TDRD10: variants seen among roughly 807,000 people sequenced by gnomAD.
TDRD10 encodes tudor domain-containing protein 10.
Under a neutral mutation model 48.0 loss-of-function variants are expected in TDRD10, and 40 were observed. The ratio of observed to expected loss-of-function variants is 0.83; its 90% CI spans 0.65 to 1.09. TDRD10 has a LOEUF of 1.09. Ranked by LOEUF, TDRD10 falls within the 50% of genes least tolerant of loss-of-function variation. The pLI, the probability that TDRD10 is intolerant of heterozygous loss-of-function variation, is 0.00. For synonymous variants in TDRD10, 162 were observed against 170.4 expected, an observed-to-expected ratio of 0.95 and a Z score of 0.38; for missense variants, 378 against 434.7, an observed-to-expected ratio of 0.87 and a Z score of 1.16.
At chr1:154,541,952 A>G in intron 6 of TDRD10, 72 bp from the exon 7 acceptor site, 1 of 1,487,986 alleles carries the variant, frequency 6.7e-7, no homozygotes. Flanking sequence ...GTCTACCTGG[A>G]GTGATTCAAC....
rs115490290 is a variant in TDRD10, at chr1:154,531,560, G to C, written c.369+10081G>C. On this transcript the variant is annotated intron_variant, in intron 6 of 12. Transcript: ENST00000368482. ...GTTGTTCATTCCTCCCAGTGGGTTC[G>C]CGGTCTCGCTGGCTTCAGGAGTGAA... Among the ~76,000 whole-genome samples, 489 of 152,258 alleles carry C rather than the reference G, an allele frequency of 3.2e-3. 2 individuals are homozygous for C. Among genetic ancestry groups the C allele is most frequent in the African/African-American group, 0.011 (464 of 41,570 alleles).
intron 4 of TDRD10, among the ~76,000 whole-genome samples, chr1:154,514,950 C>T (rs891623439): frequency 3.9e-5 from 6 of 151,982 alleles, no homozygotes; most frequent in African/African-American, 1.5e-4. Context: ...ACACTGCAGC[C>T]TCCGCCTCTT....
intron 6 of TDRD10, among the ~76,000 whole-genome samples, chr1:154,541,615 C>G (rs933334602): frequency 6.6e-6 from 1 of 152,044 alleles, no homozygotes; most frequent in Non-Finnish European, 1.5e-5. Context: ...GGCACCCAGG[C>G]TTTTCTGTCC....
At chr1:154,534,728 T>C (rs1694830733) in intron 6 of TDRD10, 1 of 152,250 alleles carries the variant, frequency 6.6e-6, no homozygotes, top group Admixed American at 6.5e-5. Flanking sequence ...TTATTGCTTT[T>C]TGGGGAGAGG....
At chr1:154,525,714 C>T (rs1487975977) in intron 6 of TDRD10, among the ~76,000 whole-genome samples, 15 of 151,900 alleles carry the variant, frequency 9.9e-5, no homozygotes, top group Admixed American at 3.3e-4. Flanking sequence ...GCCAACATGG[C>T]GAAACCCCAT....
chr1:154,513,610 A>T (rs1040004926), intron 4 of TDRD10, among the ~76,000 whole-genome samples: 1 of 152,230 alleles, frequency 6.6e-6, no homozygotes, highest in Non-Finnish European at 1.5e-5. Flanking sequence ...ACTAAAAATG[A>T]GATAACCAGA....
At chr1:154,533,462 C>A (rs1436124759) in intron 6 of TDRD10, among the ~76,000 whole-genome samples, 1 of 151,524 alleles carries the variant, frequency 6.6e-6, no homozygotes, top group East Asian at 1.9e-4. Flanking sequence ...AAGTCATCAC[C>A]ACGTTGTACC....
At chr1:154,514,851 C>CTTATTTATTTAT (rs376684475) in intron 4 of TDRD10, among the ~76,000 whole-genome samples, 19 of 142,884 alleles carry the variant, frequency 1.3e-4, no homozygotes, top group Non-Finnish European at 1.7e-4. Context: ...CCATACCCAG[C>CTTATTTATTTAT]TTATTTATTT....
At chr1:154,505,783 TACTC>T (rs1693115127) in intron 1 of TDRD10, among the ~76,000 whole-genome samples, 1 of 105,528 alleles carries the variant, frequency 9.5e-6, no homozygotes, top group Non-Finnish European at 2.4e-5. Context: ...GGGAAGATAA[TACTC>T]ACGGAATTGT....
chr1:154,509,734 G>A (rs1450186537), intron 4 of TDRD10: 42 of 805,484 alleles, frequency 5.2e-5, no homozygotes, highest in Non-Finnish European at 6.2e-5. Context: ...GGCAGGTTGG[G>A]GGATTCCTGG....
chr1:154,544,398 GT>G lies in TDRD10; in HGVS notation c.681del (p.Phe227LeufsTer72), dbSNP rs772440231. 4 of 1,594,508 alleles carry G rather than the reference GT, an allele frequency of 2.5e-6. No homozygotes were observed. The African/African-American group carries it at 5.3e-5, about 21-fold the overall frequency. ...EALHQNMQAL[F>X]STLAQAEEQQ... ...CTCTGCACCAGAACATGCAGGCTCT[GT>G]TTAGCACCCTGGCTCAGGCGGAGGA... On this transcript the variant is annotated frameshift_variant, in exon 10 of 13. Coordinates refer to ENST00000368482, the MANE Select transcript of TDRD10 (RefSeq NM_182499.4). LOFTEE classifies it high-confidence loss of function.
At chr1:154,514,884 T>TTC (rs1557816918) in intron 4 of TDRD10, among the ~76,000 whole-genome samples, 1 of 151,858 alleles carries the variant, frequency 6.6e-6, no homozygotes, top group Non-Finnish European at 1.5e-5. Flanking sequence ...ATTTTTTTTT[T>TTC]TGAGACGGAG....
At position 154,509,781 on chromosome 1, in the gene TDRD10, C is replaced by T. The variant is rs370722913; in HGVS notation, c.141+1300C>T. The T allele has an allele frequency of 1.2e-5, 12 of 985,238 alleles. 1 individual carries two copies. The East Asian group carries it at 6.8e-4, about 56-fold the overall frequency. 61.0% of individuals were successfully genotyped at this position (985,238 alleles called of 1,614,324 possible). On this transcript the variant is annotated intron_variant, in intron 4 of 12. Coordinates refer to ENST00000368482, the MANE Select transcript of TDRD10 (RefSeq NM_182499.4). ...CGAGCCTACTAGGGCTGGTTTTCCT[C>T]CCCCATTTTGGCAGGCTGGTCCAAC...
intron 6 of TDRD10, among the ~76,000 whole-genome samples, chr1:154,535,133 G>A (rs1337029517): frequency 6.6e-6 from 1 of 152,150 alleles, no homozygotes; most frequent in African/African-American, 2.4e-5. Context: ...TTGGGAGGCC[G>A]AGGTGGGCGG....
chr1:154,532,074 G>A (rs1258921497), intron 6 of TDRD10, among the ~76,000 whole-genome samples: 3 of 152,218 alleles, frequency 2.0e-5, no homozygotes, highest in African/African-American at 4.8e-5. Flanking sequence ...CCTGCCAGGC[G>A]GGTGCTGTGC....
At chr1:154,505,825 A>G (rs1158245166) in intron 1 of TDRD10, among the ~76,000 whole-genome samples, 1 of 152,248 alleles carries the variant, frequency 6.6e-6, no homozygotes, top group Non-Finnish European at 1.5e-5. Flanking sequence ...ATCCATAAAA[A>G]TAAACACAAT....
rs200427247 is a variant in TDRD10 at position 154,521,422 on chromosome 1, A to T, written c.312A>T (p.Thr104=). 6.2e-7 allele frequency: 1 copy of T among 1,614,154 alleles called. No homozygotes were observed. Among genetic ancestry groups the T allele is most frequent in the Non-Finnish European group, 8.5e-7 (1 of 1,180,044 alleles). Residue 104 remains threonine, a synonymous_variant, in exon 6 of 13, where the codon ACA becomes ACT. Coordinates refer to ENST00000368482, the MANE Select transcript of TDRD10 (RefSeq NM_182499.4). The part of the protein sequence containing the change: ...LFHKRKLFVN[T]SKRPPKRTPD... ...ACAAGCGAAAACTGTTCGTGAATACAAGCAAAAGGCCCCCCAAGAGGACCC... is the reference window on the plus strand; with the variant it reads ...ACAAGCGAAAACTGTTCGTGAATACTAGCAAAAGGCCCCCCAAGAGGACCC...
chr1:154,541,229 G>C (rs1695210047), intron 6 of TDRD10, among the ~76,000 whole-genome samples: 1 of 151,238 alleles, frequency 6.6e-6, no homozygotes, highest in South Asian at 2.1e-4. Flanking sequence ...GAGGGCTTGA[G>C]CCAGAGCGGG....
chr1:154,545,359 C>G (rs1384658947), intron 11 of TDRD10, among the ~76,000 whole-genome samples: 2 of 152,188 alleles, frequency 1.3e-5, no homozygotes, highest in African/African-American at 4.8e-5. Flanking sequence ...CGCCAGAGCA[C>G]AGCACTTAGC....
Sources: gnomAD v4.1 joint callset for allele counts (sites outside exome capture counted in the v4.1 genomes callset) on GRCh38, gnomAD v4.1.1 for gene constraint, MANE v1.5 for transcripts, NCBI Gene and HGNC (gene_info 2026-07-23, HGNC 2026-07-21) for gene names.